TMTC2: variants seen among roughly 807,000 people sequenced by gnomAD.
TMTC2 encodes the protein transmembrane O-mannosyltransferase targeting cadherins 2.
TMTC2 carries 43 observed loss-of-function variants against 82.4 expected under a neutral mutation model. The ratio of observed to expected loss-of-function variants is 0.52; its 90% CI spans 0.41 to 0.67. TMTC2 has a LOEUF of 0.67. Among genes scored for constraint, TMTC2 ranks in the 30% least tolerant of loss-of-function variants. The pLI is 0.00. For missense variants in TMTC2, 919 were observed against 1,012.4 expected, an observed-to-expected ratio of 0.91 and a Z score of 1.25; for synonymous variants, 408 against 381.9, an observed-to-expected ratio of 1.07 and a Z score of -0.80.
At chr12:82,937,738 GT>G (rs1876406539) in intron 4 of TMTC2, among the ~76,000 whole-genome samples, 1 of 93,462 alleles carries the variant, frequency 1.1e-5, no homozygotes, top group Admixed American at 1.2e-4. Context: ...GGATGTGTGT[GT>G]GTGTGTGTGT....
At chr12:83,124,825 A>G (rs1380371418) in intron 11 of TMTC2, among the ~76,000 whole-genome samples, 1 of 152,144 alleles carries the variant, frequency 6.6e-6, no homozygotes, top group Non-Finnish European at 1.5e-5. Flanking sequence ...TGCGTTTTAG[A>G]AAGACAAATA....
intron 8 of TMTC2, among the ~76,000 whole-genome samples, chr12:82,992,248 T>G (rs1238835708): frequency 6.6e-6 from 1 of 152,186 alleles, no homozygotes; most frequent in Non-Finnish European, 1.5e-5. Context: ...GCTATTATTA[T>G]TTAGAGCTAA....
At chr12:82,814,977 G>A (rs532140211) in intron 1 of TMTC2, among the ~76,000 whole-genome samples, 3 of 152,066 alleles carry the variant, frequency 2.0e-5, no homozygotes, top group Non-Finnish European at 4.4e-5. Flanking sequence ...ACATACAGGT[G>A]CTAAAGAGGA....
At chr12:83,075,204 G>A (rs936067468) in intron 11 of TMTC2, among the ~76,000 whole-genome samples, 7 of 152,090 alleles carry the variant, frequency 4.6e-5, no homozygotes, top group Admixed American at 1.3e-4. Flanking sequence ...TTCCACAGTT[G>A]GGGCACTCAC....
intron 1 of TMTC2, among the ~76,000 whole-genome samples, chr12:82,778,784 G>T (rs1877731456): frequency 7.4e-6 from 1 of 135,830 alleles, no homozygotes; most frequent in Admixed American, 8.2e-5. Flanking sequence ...GGGAGGCGGA[G>T]CTTGCAGTGA....
intron 3 of TMTC2, among the ~76,000 whole-genome samples, chr12:82,906,559 G>A (rs1874322405): frequency 6.6e-6 from 1 of 151,998 alleles, no homozygotes; most frequent in African/African-American, 2.4e-5. Context: ...GCCTGAGGCA[G>A]GCGCCTCCTG....
intron 4 of TMTC2, among the ~76,000 whole-genome samples, chr12:82,948,392 T>C (rs1023112139): frequency 1.3e-5 from 2 of 152,000 alleles, no homozygotes; most frequent in Non-Finnish European, 2.9e-5. Flanking sequence ...AAAAGATTGT[T>C]ATGAATAGTG....
chr12:82,708,600 C>G (rs1003052020), intron 1 of TMTC2, among the ~76,000 whole-genome samples: 1 of 152,144 alleles, frequency 6.6e-6, no homozygotes, highest in African/African-American at 2.4e-5. Context: ...TGTGCTGGTC[C>G]CATCAGCCCC....
At chr12:82,861,323 A>G (rs1269929455) in intron 2 of TMTC2, among the ~76,000 whole-genome samples, 1 of 152,174 alleles carries the variant, frequency 6.6e-6, no homozygotes, top group East Asian at 1.9e-4. Context: ...TTGATTCTAC[A>G]TCCGGATGTA....
At chr12:82,915,433 A>T (rs1874945657) in intron 3 of TMTC2, among the ~76,000 whole-genome samples, 1 of 152,226 alleles carries the variant, frequency 6.6e-6, no homozygotes, top group African/African-American at 2.4e-5. Context: ...CTAACTGGTA[A>T]CAGGGCTAGT....
chr12:83,089,645 A>G (rs1003836285), intron 11 of TMTC2, among the ~76,000 whole-genome samples: 5 of 152,160 alleles, frequency 3.3e-5, no homozygotes, highest in African/African-American at 1.2e-4. Flanking sequence ...AACATAAGCC[A>G]TGTACTAATT....
intron 1 of TMTC2, among the ~76,000 whole-genome samples, chr12:82,850,614 G>C (rs1322411627): frequency 3.3e-5 from 5 of 152,092 alleles, no homozygotes. Context: ...GGAAGAGAAT[G>C]AGAAAAGTAA....
chr12:83,022,693 CTTCTT>C (rs1396786906), intron 8 of TMTC2, among the ~76,000 whole-genome samples: 7 of 152,114 alleles, frequency 4.6e-5, no homozygotes, highest in African/African-American at 1.7e-4. Context: ...CACTAGATGT[CTTCTT>C]CTCTTCTCAT....
chr12:82,901,664 C>CT (rs1261614464), intron 3 of TMTC2, among the ~76,000 whole-genome samples: 1 of 151,928 alleles, frequency 6.6e-6, no homozygotes, highest in Non-Finnish European at 1.5e-5. Flanking sequence ...GTACTTTTTT[C>CT]TTTCGACTCA....
At chr12:83,051,501 T>G (rs1201514575) in intron 10 of TMTC2, among the ~76,000 whole-genome samples, 1 of 152,144 alleles carries the variant, frequency 6.6e-6, no homozygotes, top group Non-Finnish European at 1.5e-5. Context: ...TAAAAACTAC[T>G]AGTCATAAAA....
chr12:82,734,347 G>A (rs927033143), intron 1 of TMTC2, among the ~76,000 whole-genome samples: 4 of 152,158 alleles, frequency 2.6e-5, no homozygotes, highest in Non-Finnish European at 5.9e-5. Context: ...GTTGTTGGCT[G>A]AATCCAGTTC....
At chr12:82,919,653 G>A (rs1338836113) in intron 3 of TMTC2, among the ~76,000 whole-genome samples, 1 of 152,170 alleles carries the variant, frequency 6.6e-6, no homozygotes, top group Non-Finnish European at 1.5e-5. Context: ...CAGGCATAGG[G>A]TAGGCATTCT....
chr12:83,020,626 A>T (rs191506129), intron 8 of TMTC2, among the ~76,000 whole-genome samples: 43 of 151,600 alleles, frequency 2.8e-4, no homozygotes, highest in Admixed American at 2.8e-3. Flanking sequence ...TTATGATAAG[A>T]TGTTGGTTTT....
In TMTC2 at chr12:82,966,923, C is replaced by A; in HGVS notation, c.1874C>A (p.Ala625Asp). 6.2e-7 allele frequency: 1 copy of A among 1,609,954 alleles called. No homozygotes were observed. Among genetic ancestry groups the A allele is most frequent in the Non-Finnish European group, 8.5e-7 (1 of 1,177,326 alleles). Residue 625 changes from alanine to aspartate, a missense_variant, in exon 7 of 12, where the codon GCC (alanine) becomes GAC (aspartate). Physicochemically the swap from Ala to Asp is moderately radical, Grantham distance 126. Transcript: ENST00000321196. ...TTTTTTTGTTTTATAAATTAGGAAG[C>A]CCTTAGTGTATACAAGGAAGCAATT... ...LYHEQGHYEE[A>D]LSVYKEAIQK...
Sources: allele counts gnomAD v4.1 joint callset (sites outside exome capture counted in the v4.1 genomes callset), GRCh38; gene constraint gnomAD v4.1.1; transcripts MANE v1.5; gene names NCBI Gene and HGNC (gene_info 2026-07-23, HGNC 2026-07-21).